Variants in SBF1 observed in about 807,000 individuals in gnomAD.
SBF1 encodes SET binding factor 1.
A neutral mutation model predicts 215.8 loss-of-function variants in SBF1; 65 were observed. The observed-to-expected ratio is 0.30, with a 90% CI of 0.25 to 0.37. The LOEUF (loss-of-function observed/expected upper bound fraction) is 0.37, where lower values mean the gene tolerates loss of function less well. SBF1 is among the 10% of genes least tolerant of loss of function. SBF1 has a pLI of 1.00. For synonymous variants in SBF1, 1,410 were observed against 1,122.8 expected, an observed-to-expected ratio of 1.26 and a Z score of -5.11; for missense variants, 2,634 against 2,667.8, an observed-to-expected ratio of 0.99 and a Z score of 0.28.
chr22:50,473,821 T>C (rs969642305), intron 1 of SBF1, among the ~76,000 whole-genome samples: 9 of 152,158 alleles, frequency 5.9e-5, no homozygotes, highest in African/African-American at 2.2e-4. Context: ...TCTGACAGCC[T>C]GAGTGCCAGT....
At chr22:50,448,094 A>C in intron 38 of SBF1, 139 bp downstream of exon 38, 1 of 758,930 alleles carries the variant, frequency 1.3e-6, no homozygotes, top group Non-Finnish European at 2.1e-6. Context: ...CCAGTTCGAC[A>C]CCCCAAACCC....
chr22:50,456,571 T>A lies in SBF1; in HGVS notation c.4007A>T (p.Asn1336Ile). 2 of 1,570,872 alleles carry A rather than the reference T, an allele frequency of 1.3e-6. No individual in the cohort carries two copies. Among genetic ancestry groups the A allele is most frequent in the Non-Finnish European group, 1.7e-6 (2 of 1,159,716 alleles). Residue 1336 changes from asparagine to isoleucine, a missense_variant, in exon 30 of 41, where the codon AAC becomes ATC. Asn to Ile is a moderately radical substitution (Grantham distance 149). Transcript: ENST00000380817. ...GAAGCCCGGGTCGGGAGGGCCCCCG[T>A]TGGCCTGGGGTGGGGCCAGCGCGTC... is the stretch of plus-strand genomic sequence containing the variant. ...GRDALAPPQA[N>I]GGPPDPGFLR... is the part of the protein sequence containing the mutation.
chr22:50,460,522 C>G lies in SBF1; in HGVS notation c.3146+12G>C, dbSNP rs761233362. On this transcript the variant is annotated intron_variant, in intron 24 of 40. Transcript: ENST00000380817. ...GAGGCCCAGCTGCCCTGCCTGGGACCCAGATCCATACCTGAGGGAAGGACC... is the reference window on the plus strand; with the variant it reads ...GAGGCCCAGCTGCCCTGCCTGGGACGCAGATCCATACCTGAGGGAAGGACC... The G allele has an allele frequency of 6.2e-7, 1 of 1,613,506 alleles. No homozygotes were observed. Among genetic ancestry groups the G allele is most frequent in the Non-Finnish European group, 8.5e-7 (1 of 1,179,588 alleles).
chr22:50,450,470 G>C (rs952431434), intron 36 of SBF1, among the ~76,000 whole-genome samples: 2 of 151,418 alleles, frequency 1.3e-5, no homozygotes, highest in Non-Finnish European at 2.9e-5. Context: ...GCAGTGAGCC[G>C]AGAGTGCGCC....
Position 50,467,820 on chromosome 22 carries a change from C to A in SBF1, c.245G>T (p.Cys82Phe). The A allele has an allele frequency of 6.2e-7, 1 of 1,613,976 alleles. No individual in the cohort carries two copies. Among genetic ancestry groups the A allele is most frequent in the Non-Finnish European group, 8.5e-7 (1 of 1,179,966 alleles). Residue 82 changes from cysteine (C) to phenylalanine (F), a missense_variant, in exon 3 of 41, where the codon TGC becomes TTC. Cys to Phe is a radical substitution (Grantham distance 205, BLOSUM62 -2). Coordinates refer to ENST00000380817, the MANE Select transcript of SBF1 (RefSeq NM_002972.4). ...DINSERHYCA[C>F]LTFWEPAEPS... Reference sequence around the variant, plus strand: ...CTCCGCTGGCTCCCAGAAGGTCAAGCAGGCGCAGTAGTGGCGCTCGGAGTT... The same window carrying A: ...CTCCGCTGGCTCCCAGAAGGTCAAGAAGGCGCAGTAGTGGCGCTCGGAGTT...
intron 1 of SBF1, among the ~76,000 whole-genome samples, chr22:50,469,373 T>C (rs2067913141): frequency 6.6e-6 from 1 of 152,190 alleles, no homozygotes; most frequent in Admixed American, 6.5e-5. Context: ...CTCCTCTCCG[T>C]GGGGCCCCAG....
In SBF1 at chr22:50,448,609, C is replaced by G. The variant is rs748390126; in HGVS notation, c.5085G>C (p.Glu1695Asp). The G allele has an allele frequency of 4.3e-6, 7 of 1,611,858 alleles. No homozygotes were observed. The South Asian group carries it at 7.7e-5, about 18-fold the overall frequency. ...CCCGGTCCCAGGTGTCCTTCCAGCG[C>G]TCAGCGGGTTGGCCCAACTCTGTCT... ...RLETELGQPA[E>D]RWKDTWDRVK... is the part of the protein sequence containing the mutation. The change falls in exon 37 of 41, where the codon GAG becomes GAC. Residue 1695 changes from glutamate (E) to aspartate (D), a missense_variant. Physicochemically the swap from Glu to Asp is conservative, Grantham distance 45. Coordinates refer to ENST00000380817, the MANE Select transcript of SBF1 (RefSeq NM_002972.4).
At chr22:50,455,447 A>G in intron 32 of SBF1, 34 bp downstream of exon 32, 2 of 1,612,312 alleles carry the variant, frequency 1.2e-6, no homozygotes, top group Non-Finnish European at 1.7e-6. Flanking sequence ...GGAGCCCGGG[A>G]GCCTGGCCCA....
rs374595219 is a variant in SBF1, at chr22:50,462,481, G to A, written c.2128-8C>T. ...AGGTGCCTCCCCAACCTCCTGCCAC[G>A]GCACCACACGCATGAGCCGGGGCCA... On this transcript the variant is annotated splice_polypyrimidine_tract_variant and splice_region_variant and intron_variant, in intron 18 of 40. Transcript: ENST00000380817. 40 of 1,612,960 alleles carry A rather than the reference G, an allele frequency of 2.5e-5. No homozygotes were observed. The highest frequency in any genetic ancestry group is 5.5e-5 in the South Asian group (5 of 91,062).
chr22:50,465,806 G>T lies in SBF1; in HGVS notation c.1046C>A (p.Ala349Asp). The T allele has an allele frequency of 1.2e-6, 2 of 1,611,900 alleles. No homozygotes were observed. Among genetic ancestry groups the T allele is most frequent in the Non-Finnish European group, 1.7e-6 (2 of 1,179,484 alleles). Residue 349 changes from alanine (A) to aspartate (D), a missense_variant, in exon 10 of 41, where the codon GCC (alanine) becomes GAC (aspartate). Physicochemically the swap from Ala to Asp is moderately radical, Grantham distance 126 (BLOSUM62 -2). Transcript: ENST00000380817. ...LDPELELADL[A>D]FPPPTTSTSS... is the part of the protein sequence containing the mutation. ...GGTGGATGTCGTGGGCGGAGGGAAG[G>T]CGAGGTCAGCCAACTCCAGCTCCGG...
intron 28 of SBF1, 62 bp downstream of exon 28, chr22:50,459,193 T>C: frequency 6.5e-7 from 1 of 1,545,032 alleles, no homozygotes; most frequent in Non-Finnish European, 8.8e-7. Context: ...TGCCAAACCA[T>C]AAATGCCACC....
chr22:50,464,059 G>A (rs537494096), intron 15 of SBF1, among the ~76,000 whole-genome samples: 2 of 152,362 alleles, frequency 1.3e-5, no homozygotes, highest in South Asian at 2.1e-4. Context: ...GAAGGACACA[G>A]ACGAAACATA....
intron 26 of SBF1, 43 bp from the exon 27 acceptor site, chr22:50,459,709 C>T (rs764837891): frequency 4.9e-5 from 76 of 1,536,506 alleles, no homozygotes; most frequent in Non-Finnish European, 6.3e-5. Context: ...CGACCCCACC[C>T]GCCTCCAGGC....
At position 50,464,453 on chromosome 22, in the gene SBF1, G is replaced by C; in HGVS notation, c.1637-12C>G. 6.2e-7 allele frequency: 1 copy of C among 1,611,392 alleles called. No individual in the cohort carries two copies. The highest frequency in any genetic ancestry group is 8.5e-7 in the Non-Finnish European group (1 of 1,178,234). On this transcript the variant is annotated splice_polypyrimidine_tract_variant and intron_variant, in intron 14 of 40. Transcript: ENST00000380817. ...CTCCAGTATGGCAGCTGCGGGGACA[G>C]AATACACACACTCGGACCCCTGACC...
At chr22:50,448,946 G>A (rs1309433170) in intron 36 of SBF1, among the ~76,000 whole-genome samples, 2 of 152,146 alleles carry the variant, frequency 1.3e-5, no homozygotes, top group African/African-American at 2.4e-5. Context: ...GGTGGCTCAC[G>A]CCTGTAATCC....
intron 1 of SBF1, among the ~76,000 whole-genome samples, chr22:50,470,921 T>C (rs1395543502): frequency 3.3e-5 from 5 of 152,194 alleles, no homozygotes; most frequent in African/African-American, 4.8e-5. Context: ...GGTCCCAGCC[T>C]GCACCTCAGC....
intron 5 of SBF1, 111 bp downstream of exon 5, chr22:50,467,227 A>G: frequency 1.2e-6 from 1 of 848,890 alleles, no homozygotes; most frequent in Non-Finnish European, 1.9e-6. Context: ...CGCAAGAGGG[A>G]GCATCCAAGG....
chr22:50,449,625 A>AACACACACAC (rs59541336), intron 36 of SBF1, among the ~76,000 whole-genome samples: 2,531 of 146,918 alleles, frequency 0.017, 39 homozygotes, highest in South Asian at 0.047. Context: ...AAAACACACA[A>AACACACACAC]ACACACACAC....
chr22:50,474,954 C>G lies in SBF1; in HGVS notation c.-114G>C. On this transcript the variant is annotated 5_prime_UTR_variant, in exon 1 of 41. Coordinates refer to ENST00000380817, the MANE Select transcript of SBF1 (RefSeq NM_002972.4). Reference sequence around the variant, plus strand: ...CCTGGACCGCGCACCCCGGACACCCCTGGTTCGCTCCGCGGCGGCGGCGGC... The same window carrying G: ...CCTGGACCGCGCACCCCGGACACCCGTGGTTCGCTCCGCGGCGGCGGCGGC... The G allele has an allele frequency of 1.5e-6, 1 of 661,076 alleles. No individual in the cohort carries two copies. Among genetic ancestry groups the G allele is most frequent in the Non-Finnish European group, 2.0e-6 (1 of 507,212 alleles). 41.0% of individuals were successfully genotyped at this position (661,076 alleles called of 1,614,324 possible).
Sources: allele counts gnomAD v4.1 joint callset (sites outside exome capture counted in the v4.1 genomes callset), GRCh38; gene constraint gnomAD v4.1.1; transcripts MANE v1.5; gene names NCBI Gene and HGNC (gene_info 2026-07-23, HGNC 2026-07-21).